The following C2CD2 variants were observed in gnomAD, a reference collection of about 807,000 sequenced individuals.
C2CD2 encodes C2 calcium dependent domain containing 2.
In C2CD2, 43 loss-of-function variants were observed where a neutral mutation model predicts 74.3. The observed-to-expected ratio is 0.58, with a 90% CI of 0.45 to 0.75. The LOEUF is 0.75. C2CD2 is among the 30% of genes least tolerant of loss of function. The probability of loss-of-function intolerance (pLI) is 0.00; values close to 1 mark genes in which losing one functional copy is unlikely to be tolerated. For missense variants in C2CD2, 801 were observed against 916.3 expected (o/e 0.87, Z 1.63); for synonymous variants, 422 against 390.7 (o/e 1.08, Z -0.94).
intron 2 of C2CD2, 44 bp from the exon 3 acceptor site, chr21:41,922,129 A>G: frequency 8.5e-7 from 1 of 1,178,918 alleles, no homozygotes; most frequent in Non-Finnish European, 1.3e-6. Context: ...TCCAAAACAA[A>G]GGACAGCGCG....
At chr21:41,894,405 C>T (rs1287540140) in intron 13 of C2CD2, among the ~76,000 whole-genome samples, 3 of 152,274 alleles carry the variant, frequency 2.0e-5, no homozygotes, top group East Asian at 1.9e-4. Flanking sequence ...TGGCTGGGGT[C>T]GCACACTAAT....
chr21:41,915,586 G>A (rs753253662), intron 5 of C2CD2, among the ~76,000 whole-genome samples: 20 of 151,906 alleles, frequency 1.3e-4, no homozygotes, highest in Non-Finnish European at 1.3e-4. Flanking sequence ...ACAGGTGCCC[G>A]CCACCACACC....
intron 10 of C2CD2, among the ~76,000 whole-genome samples, chr21:41,906,580 G>A (rs1261024052): frequency 1.3e-5 from 2 of 152,098 alleles, no homozygotes; most frequent in African/African-American, 4.8e-5. Flanking sequence ...GGTCAGGCTG[G>A]TCTCAGACTC....
chr21:41,937,481 C>T (rs112822700), intron 2 of C2CD2, among the ~76,000 whole-genome samples: 5,645 of 152,224 alleles, frequency 0.037, 367 homozygotes, highest in African/African-American at 0.13. Context: ...AAAATATATG[C>T]CAATTGACTA....
In C2CD2 at chr21:41,945,961, T is replaced by C. The variant is rs374275084; in HGVS notation, c.280-3716A>G. Among the ~76,000 whole-genome samples, 1 of 152,168 alleles carries C rather than the reference T, an allele frequency of 6.6e-6. No individual in the cohort carries two copies. Among genetic ancestry groups the C allele is most frequent in the Non-Finnish European group, 1.5e-5 (1 of 68,034 alleles). On this transcript the variant is annotated intron_variant, in intron 1 of 13. Coordinates refer to ENST00000380486, the MANE Select transcript of C2CD2 (RefSeq NM_015500.2). The surrounding 1 kb of genome is among the most constrained non-coding windows in gnomAD (Gnocchi z 4.2). ...ACTGATACAACAATATAATAAATAG[T>C]GATAGTATGGGATTATAACCCACAG...
chr21:41,907,099 A>T lies in C2CD2; in HGVS notation c.1211T>A (p.Ile404Lys), dbSNP rs560232522. The change falls in exon 10 of 14, where the codon ATA becomes AAA. Residue 404 changes from isoleucine to lysine, a missense_variant. Ile to Lys is a moderately radical substitution (Grantham distance 102). Transcript: ENST00000380486. The stretch of plus-strand genomic sequence containing the variant: ...GGGCATCACCGTGCGGTCCTTTTCT[A>T]TTTTTGCAGCAGGAACAGGGGGAGG... ...PIPPPVPAAK[I>K]EKDRTVMPCG... 6.2e-7 allele frequency: 1 copy of T among 1,613,934 alleles called. No homozygotes were observed. The highest frequency in any genetic ancestry group is 2.2e-5 in the East Asian group (1 of 44,878).
Position 41,924,043 on chromosome 21 carries a change from G to A in C2CD2, c.379-1958C>T, listed in dbSNP as rs1288101714. On this transcript the variant is annotated intron_variant, in intron 2 of 13. Transcript: ENST00000380486. This position sits in a 1 kb window ranked among gnomAD's most constrained non-coding sequence, Gnocchi z 4.4. ...CAGACTGACCTCCTCATTCCCAAAA[G>A]AACCACTGACTCCACTGCAGGGAGT... Among the ~76,000 whole-genome samples, 6 of 152,338 alleles carry A rather than the reference G, an allele frequency of 3.9e-5. No homozygotes were observed. The East Asian group carries it at 1.2e-3, about 29-fold the overall frequency.
intron 7 of C2CD2, among the ~76,000 whole-genome samples, chr21:41,911,641 G>A (rs1281314895): frequency 6.6e-6 from 1 of 151,382 alleles, no homozygotes; most frequent in Non-Finnish European, 1.5e-5. Flanking sequence ...ACCCACCTCA[G>A]CCTCCCAAAG....
At position 41,909,993 on chromosome 21, in the gene C2CD2, G is replaced by C. The variant is rs958506847; in HGVS notation, c.954-470C>G. ...GTAACCTATTTATTTTCATTACAAAGGCATTAAAAAAAAAAAAAAAAGTAG... is the reference window on the plus strand; with the variant it reads ...GTAACCTATTTATTTTCATTACAAACGCATTAAAAAAAAAAAAAAAAGTAG... On this transcript the variant is annotated intron_variant, in intron 7 of 13. Coordinates refer to ENST00000380486, the MANE Select transcript of C2CD2 (RefSeq NM_015500.2). Among the ~76,000 whole-genome samples the C allele has an allele frequency of 2.7e-4, 28 of 105,296 alleles. 1 individual carries two copies. The highest frequency in any genetic ancestry group is 2.5e-3 in the Admixed American group (27 of 10,720). The allele number at this position is 105,296 out of a possible 152,430, so 69.1% of individuals were successfully genotyped here.
intron 5 of C2CD2, 130 bp from the exon 6 acceptor site, chr21:41,914,851 C>A: frequency 1.4e-6 from 1 of 703,322 alleles, no homozygotes; most frequent in Admixed American, 2.7e-5. Flanking sequence ...CACAGGGAGC[C>A]CGAGCTCTGG....
chr21:41,899,027 G>C lies in C2CD2; in HGVS notation c.1870+26C>G. 1.9e-6 allele frequency: 3 copies of C among 1,591,394 alleles called. No individual in the cohort carries two copies. Among genetic ancestry groups the C allele is most frequent in the Non-Finnish European group, 2.6e-6 (3 of 1,164,532 alleles). The stretch of plus-strand genomic sequence containing the variant: ...CGCAAAGCCACCAAGTGGGGGGCCC[G>C]GGATGGGGGGCTCGGGAGCAGGTAC... On this transcript the variant is annotated intron_variant, in intron 13 of 13. Coordinates refer to ENST00000380486, the MANE Select transcript of C2CD2 (RefSeq NM_015500.2). The surrounding 1 kb of genome is among the most constrained non-coding windows in gnomAD (Gnocchi z 4.4).
chr21:41,907,589 C>G, intron 9 of C2CD2, 71 bp downstream of exon 9: 1 of 1,530,476 alleles, frequency 6.5e-7, no homozygotes, highest in East Asian at 2.3e-5. Context: ...ACTCTGCAGA[C>G]ATAAGTGAAG....
intron 5 of C2CD2, 120 bp from the exon 6 acceptor site, chr21:41,914,841 C>T: frequency 1.3e-6 from 1 of 768,440 alleles, no homozygotes; most frequent in Non-Finnish European, 2.1e-6. Flanking sequence ...GGAAAACCTG[C>T]ACAGGGAGCC....
chr21:41,948,870 CTTTTTTTT>C (rs967927171), intron 1 of C2CD2, among the ~76,000 whole-genome samples: 984 of 80,742 alleles, frequency 0.012, 19 homozygotes, highest in Middle Eastern at 0.023. Flanking sequence ...CACACAGCAT[CTTTTTTTT>C]TTTTTTTTTT....
chr21:41,920,224 T>C (rs1019991536), intron 3 of C2CD2, among the ~76,000 whole-genome samples: 3 of 152,252 alleles, frequency 2.0e-5, no homozygotes, highest in African/African-American at 7.2e-5. Flanking sequence ...GCCGGACACC[T>C]GGCCTCCTTC....
chr21:41,940,679 A>T (rs1410713676), intron 2 of C2CD2, among the ~76,000 whole-genome samples: 1 of 152,270 alleles, frequency 6.6e-6, no homozygotes, highest in Admixed American at 6.5e-5. Context: ...ATGGAACTTC[A>T]TTATAGATGA....
Position 41,924,383 on chromosome 21 carries a change from C to T in C2CD2, c.379-2298G>A. Among the ~76,000 whole-genome samples, 1 of 152,200 alleles carries T rather than the reference C, an allele frequency of 6.6e-6. No homozygotes were observed. Among genetic ancestry groups the T allele is most frequent in the African/African-American group, 2.4e-5 (1 of 41,440 alleles). ...TGCCACAGAGCTAGAAAAAGAAAAT[C>T]CTGCCTTCTCTCAATATTGGCAGAA... On this transcript the variant is annotated intron_variant, in intron 2 of 13. Coordinates refer to ENST00000380486, the MANE Select transcript of C2CD2 (RefSeq NM_015500.2). This position sits in a 1 kb window ranked among gnomAD's most constrained non-coding sequence, Gnocchi z 4.4.
chr21:41,926,163 A>T lies in C2CD2; in HGVS notation c.379-4078T>A, dbSNP rs1363947104. ...CAGAGCCCAGGTCTGCATCTGCAGG[A>T]GCGAGCTCCCTCGACAACAACCAAC... is the stretch of plus-strand genomic sequence containing the variant. On this transcript the variant is annotated intron_variant, in intron 2 of 13. Transcript: ENST00000380486. The surrounding 1 kb of genome is among the most constrained non-coding windows in gnomAD (Gnocchi z 8.0). 6.6e-6 allele frequency among the ~76,000 whole-genome samples: 1 copy of T among 152,232 alleles called. No individual in the cohort carries two copies. The highest frequency in any genetic ancestry group is 1.5e-5 in the Non-Finnish European group (1 of 68,044).
chr21:41,917,838 T>C (rs2065109628), intron 5 of C2CD2, among the ~76,000 whole-genome samples: 1 of 152,122 alleles, frequency 6.6e-6, no homozygotes, highest in Admixed American at 6.5e-5. Context: ...CCCAGGTACC[T>C]TGGTCCTGGA....
Sources: gnomAD v4.1 joint callset for allele counts (sites outside exome capture counted in the v4.1 genomes callset) on GRCh38, gnomAD v4.1.1 for gene constraint, Gnocchi (gnomAD v3.1) non-coding constraint, MANE v1.5 for transcripts, NCBI Gene and HGNC (gene_info 2026-07-23, HGNC 2026-07-21) for gene names.